LRP1B: variants seen among roughly 807,000 people sequenced by gnomAD.
The protein encoded by LRP1B is LDL receptor related protein 1B.
A neutral mutation model predicts 556.6 loss-of-function variants in LRP1B; 217 were observed. The ratio of observed to expected loss-of-function variants is 0.39; its 90% CI spans 0.35 to 0.44. The LOEUF is 0.44. LRP1B is among the 20% of genes least tolerant of loss of function. The pLI, the probability that LRP1B is intolerant of heterozygous loss-of-function variation, is 1.00. For synonymous variants in LRP1B, 2,047 were observed against 1,865.8 expected, an observed-to-expected ratio of 1.10 and a Z score of -2.50; for missense variants, 5,053 against 5,620.8, an observed-to-expected ratio of 0.90 and a Z score of 3.23.
chr2:141,280,783 T>C (rs1573748835), intron 3 of LRP1B, among the ~76,000 whole-genome samples: 1 of 152,100 alleles, frequency 6.6e-6, no homozygotes, highest in East Asian at 1.9e-4. Flanking sequence ...AAAGTGGTTT[T>C]ATTAAATCCA....
intron 62 of LRP1B, among the ~76,000 whole-genome samples, chr2:140,450,887 G>C (rs1191097264): frequency 2.0e-5 from 3 of 152,140 alleles, no homozygotes; most frequent in Non-Finnish European, 2.9e-5. Flanking sequence ...TGCAAACACA[G>C]ACAATCTCTC....
intron 3 of LRP1B, among the ~76,000 whole-genome samples, chr2:141,377,584 G>C (rs1289271638): frequency 1.3e-5 from 2 of 151,958 alleles, no homozygotes; most frequent in African/African-American, 4.8e-5. Context: ...AAAATTCACT[G>C]TTGGATATGC....
At chr2:140,239,589 TAAAAC>T in intron 87 of LRP1B, 57 bp from the exon 88 acceptor site, 1 of 1,094,202 alleles carries the variant, frequency 9.1e-7, no homozygotes. Flanking sequence ...TAAAAATTGA[TAAAAC>T]TAAGTACTTT....
At chr2:142,004,459 T>C (rs1297645181) in intron 1 of LRP1B, among the ~76,000 whole-genome samples, 1 of 151,812 alleles carries the variant, frequency 6.6e-6, no homozygotes, top group Non-Finnish European at 1.5e-5. Context: ...CAATATATAC[T>C]ACATATGTAA....
intron 43 of LRP1B, among the ~76,000 whole-genome samples, chr2:140,550,880 T>C (rs946548829): frequency 7.9e-5 from 12 of 152,038 alleles, no homozygotes; most frequent in South Asian, 2.1e-4. Context: ...ATGATGATAA[T>C]TGGAGGTGGG....
chr2:140,578,546 A>C (rs1372745474), intron 43 of LRP1B, among the ~76,000 whole-genome samples: 2 of 152,184 alleles, frequency 1.3e-5, no homozygotes, highest in Admixed American at 1.3e-4. Flanking sequence ...TCTGCCTAGA[A>C]TGCCATTCCC....
chr2:141,035,052 T>C (rs1159342182), intron 11 of LRP1B, among the ~76,000 whole-genome samples: 2 of 152,162 alleles, frequency 1.3e-5, no homozygotes, highest in African/African-American at 4.8e-5. Flanking sequence ...TTCATGTCCT[T>C]TGTAGGGACA....
At chr2:140,839,891 A>G (rs1692043919) in intron 31 of LRP1B, 100 bp downstream of exon 31, 1 of 745,562 alleles carries the variant, frequency 1.3e-6, no homozygotes, top group Non-Finnish European at 2.2e-6. Context: ...TTATTTTACT[A>G]ATCTTTAATA....
intron 13 of LRP1B, 151 bp from the exon 14 acceptor site, chr2:141,013,896 A>C: frequency 2.1e-6 from 1 of 479,046 alleles, no homozygotes; most frequent in Non-Finnish European, 3.5e-6. Context: ...TGGATTTCAC[A>C]ATGTGAGCAT....
intron 3 of LRP1B, among the ~76,000 whole-genome samples, chr2:141,372,546 T>A (rs894723451): frequency 6.6e-6 from 1 of 152,150 alleles, no homozygotes; most frequent in African/African-American, 2.4e-5. Flanking sequence ...GATTTTTTTT[T>A]ATTACTTATT....
intron 5 of LRP1B, among the ~76,000 whole-genome samples, chr2:141,234,802 A>G (rs2105305504): frequency 6.6e-6 from 1 of 152,302 alleles, no homozygotes; most frequent in Non-Finnish European, 1.5e-5. Flanking sequence ...GTGGAGAAAA[A>G]ATAAAAAAGA....
chr2:142,010,314 G>A (rs1702916168), intron 1 of LRP1B, among the ~76,000 whole-genome samples: 1 of 151,938 alleles, frequency 6.6e-6, no homozygotes, highest in South Asian at 2.1e-4. Context: ...TAGCACTTTG[G>A]GAGGCTGAGG....
At chr2:141,848,018 C>T (rs1000259302) in intron 1 of LRP1B, among the ~76,000 whole-genome samples, 2 of 151,274 alleles carry the variant, frequency 1.3e-5, no homozygotes, top group Non-Finnish European at 3.0e-5. Flanking sequence ...AATGTGCATA[C>T]ACAACCAATA....
At chr2:141,908,314 A>G (rs1393150987) in intron 1 of LRP1B, among the ~76,000 whole-genome samples, 1 of 152,082 alleles carries the variant, frequency 6.6e-6, no homozygotes, top group African/African-American at 2.4e-5. Context: ...ATGCTTAATA[A>G]GTGTTTACAT....
intron 2 of LRP1B, among the ~76,000 whole-genome samples, chr2:141,616,283 G>T (rs1175968796): frequency 1.4e-5 from 1 of 69,400 alleles, no homozygotes; most frequent in East Asian, 5.7e-4. Flanking sequence ...TCTGTCTCAA[G>T]AAAATAAAAA....
intron 2 of LRP1B, among the ~76,000 whole-genome samples, chr2:141,664,748 C>A (rs1690358333): frequency 6.6e-6 from 1 of 152,040 alleles, no homozygotes; most frequent in Non-Finnish European, 1.5e-5. Flanking sequence ...ATGGATAGGA[C>A]AAATCAATGT....
chr2:140,719,162 T>G (rs541089720), intron 35 of LRP1B, among the ~76,000 whole-genome samples: 10 of 152,106 alleles, frequency 6.6e-5, no homozygotes, highest in Non-Finnish European at 1.5e-5. Flanking sequence ...TGGCACATAA[T>G]AAGCTCAAAG....
At chr2:140,263,470 G>A (rs115842047) in intron 86 of LRP1B, among the ~76,000 whole-genome samples, 6 of 152,032 alleles carry the variant, frequency 3.9e-5, no homozygotes, top group African/African-American at 9.7e-5. Flanking sequence ...TCAACATGGC[G>A]AGGCTGAGAA....
chr2:141,720,301 T>A (rs1432063653), intron 2 of LRP1B, among the ~76,000 whole-genome samples: 1 of 152,124 alleles, frequency 6.6e-6, no homozygotes, highest in Non-Finnish European at 1.5e-5. Flanking sequence ...CATAAATACA[T>A]GGATGTAAGT....
Sources: gnomAD v4.1 joint callset for allele counts (sites outside exome capture counted in the v4.1 genomes callset) on GRCh38, gnomAD v4.1.1 for gene constraint, MANE v1.5 for transcripts, NCBI Gene and HGNC (gene_info 2026-07-23, HGNC 2026-07-21) for gene names.